Variants in ANKHD1 observed in about 807,000 individuals in gnomAD.
The protein encoded by ANKHD1 is ankyrin repeat and KH domain containing 1.
ANKHD1 carries 31 observed loss-of-function variants against 230.5 expected under a neutral mutation model. The ratio of observed to expected loss-of-function variants is 0.13; its 90% confidence interval spans 0.10 to 0.18. ANKHD1 has a LOEUF of 0.18. Among genes scored for constraint, ANKHD1 ranks in the 10% least tolerant of loss-of-function variants. The pLI, the probability that ANKHD1 is intolerant of heterozygous loss-of-function variation, is 1.00. For synonymous variants in ANKHD1, 1,074 were observed against 1,117.6 expected (o/e 0.96, Z 0.78); for missense variants, 2,256 against 3,071.3 (o/e 0.73, Z 6.27).
chr5:140,524,937 T>TAAAA, intron 25 of ANKHD1: 5 of 289,016 alleles, frequency 1.7e-5, no homozygotes, highest in South Asian at 2.7e-5. Flanking sequence ...CGTCTCTACT[T>TAAAA]AAAAAAAAAA....
At chr5:140,498,899 TGTAA>T (rs1284398991) in intron 15 of ANKHD1, among the ~76,000 whole-genome samples, 1 of 151,990 alleles carries the variant, frequency 6.6e-6, no homozygotes, top group East Asian at 1.9e-4. Flanking sequence ...AAAAGGAACT[TGTAA>T]GTGTTAAGGA....
At position 140,438,517 on chromosome 5, in the gene ANKHD1, C is replaced by T. The variant is rs1252743622; in HGVS notation, c.517C>T (p.Arg173Trp). The T allele has an allele frequency of 4.3e-6, 7 of 1,613,090 alleles. No homozygotes were observed. The highest frequency in any genetic ancestry group is 5.9e-6 in the Non-Finnish European group (7 of 1,179,466). ...GKAFADPEVL[R>W]RLTSSVSCAL... ...AGCTTTTGCAGATCCTGAGGTACTC[C>T]GGAGACTGACATCCTCAGTTAGTTG... Residue 173 changes from arginine (R) to tryptophan (W), a missense_variant, in exon 3 of 34, where the codon CGG (arginine) becomes TGG (tryptophan). By Grantham distance (101) the Arg-to-Trp change is moderately radical. Transcript: ENST00000360839.
rs1435397629 is a variant in ANKHD1, at chr5:140,414,854, T to G, written c.306+12581T>G. ...CCCTGTCTCAAAAAAAAAAAAAAATTGTGTTGTTTGTTTTTTATTGTTTAG... is the reference window on the plus strand; with the variant it reads ...CCCTGTCTCAAAAAAAAAAAAAAATGGTGTTGTTTGTTTTTTATTGTTTAG... On this transcript the variant is annotated intron_variant, in intron 1 of 33. Transcript: ENST00000360839. 5.3e-5 allele frequency among the ~76,000 whole-genome samples: 8 copies of G among 150,410 alleles called. No homozygotes were observed. In the South Asian group the frequency reaches 1.7e-3, roughly 32 times the overall value.
chr5:140,486,058 T>C (rs751643680), intron 13 of ANKHD1: 1 of 256,390 alleles, frequency 3.9e-6, no homozygotes, highest in South Asian at 5.5e-5. Context: ...GAAAGCTTTT[T>C]CTTTTTTCTT....
At chr5:140,499,994 G>A (rs1056278723) in intron 15 of ANKHD1, among the ~76,000 whole-genome samples, 3 of 151,196 alleles carry the variant, frequency 2.0e-5, no homozygotes, top group Admixed American at 6.6e-5. Context: ...TCAGCATTCC[G>A]AGTAACTGGG....
rs898887374 is a variant in ANKHD1, at chr5:140,520,974, G to A, written c.4318-3092G>A. On this transcript the variant is annotated intron_variant, in intron 24 of 33. Transcript: ENST00000360839. ...TATCCAGTATCCTAGGATGTGTGCT[G>A]TAATGGAAAAATTAAAACAAACAAA... 4.0e-5 allele frequency among the ~76,000 whole-genome samples: 6 copies of A among 150,112 alleles called. No individual in the cohort carries two copies. The South Asian group carries it at 1.1e-3, about 26-fold the overall frequency.
chr5:140,501,255 T>A (rs1752291449), intron 15 of ANKHD1, among the ~76,000 whole-genome samples: 1 of 151,664 alleles, frequency 6.6e-6, no homozygotes, highest in African/African-American at 2.4e-5. Flanking sequence ...TTTTTTTGTA[T>A]TTTTAGTAGA....
chr5:140,534,269 G>A (rs939926009), intron 29 of ANKHD1, among the ~76,000 whole-genome samples: 2 of 152,114 alleles, frequency 1.3e-5, no homozygotes, highest in African/African-American at 4.8e-5. Flanking sequence ...GCAGATGCCT[G>A]TAGTCCCAGC....
At chr5:140,488,987 C>T (rs1241637255) in intron 14 of ANKHD1, among the ~76,000 whole-genome samples, 3 of 151,646 alleles carry the variant, frequency 2.0e-5, no homozygotes, top group Non-Finnish European at 1.5e-5. Context: ...CCCAGGAGTT[C>T]GAGACCAGCC....
chr5:140,458,543 T>G, intron 7 of ANKHD1, 82 bp from the exon 8 acceptor site: 1 of 1,424,394 alleles, frequency 7.0e-7, no homozygotes, highest in Non-Finnish European at 9.5e-7. Flanking sequence ...TTTTCCAATC[T>G]CTTGCTTTCT....
chr5:140,509,907 T>C lies in ANKHD1; in HGVS notation c.3941+95T>C, dbSNP rs1038517076. 1.1e-4 allele frequency: 165 copies of C among 1,542,710 alleles called. 1 individual carries two copies. The East Asian group carries it at 3.7e-3, about 35-fold the overall frequency. On this transcript the variant is annotated intron_variant, in intron 21 of 33. Coordinates refer to ENST00000360839, the MANE Select transcript of ANKHD1 (RefSeq NM_017747.3). ...TAACATTGTTTTACTTTATTGATAT[T>C]GTTAAGAAAAGATTATTTGCAAGTT...
At chr5:140,470,795 ATTT>A (rs1047502827) in intron 10 of ANKHD1, among the ~76,000 whole-genome samples, 5 of 150,786 alleles carry the variant, frequency 3.3e-5, no homozygotes, top group African/African-American at 1.2e-4. Flanking sequence ...CTAATTTTTT[ATTT>A]TTATTTTTTG....
intron 26 of ANKHD1, 22 bp from the exon 27 acceptor site, chr5:140,526,906 C>T (rs1393511281): frequency 6.3e-7 from 1 of 1,596,356 alleles, no homozygotes; most frequent in African/African-American, 1.4e-5. Context: ...TTTTATTGTA[C>T]TTGCTATTTG....
chr5:140,422,637 G>A (rs917720954), intron 1 of ANKHD1, among the ~76,000 whole-genome samples: 3 of 151,162 alleles, frequency 2.0e-5, no homozygotes, highest in South Asian at 2.1e-4. Context: ...GTGAAACCCC[G>A]TCTCTACTAA....
Position 140,506,991 on chromosome 5 carries a change from A to G in ANKHD1, c.3551+14A>G. On this transcript the variant is annotated intron_variant, in intron 19 of 33. Transcript: ENST00000360839. The surrounding 1 kb of genome is among the most constrained non-coding windows in gnomAD (Gnocchi z 4.7). ...AATTAATTCAAGGTATTGCCTGTTCATTTTATTGTTCATGTTTAGTAAGTT... is the reference window on the plus strand; with the variant it reads ...AATTAATTCAAGGTATTGCCTGTTCGTTTTATTGTTCATGTTTAGTAAGTT... The G allele has an allele frequency of 3.1e-6, 5 of 1,611,360 alleles. No homozygotes were observed. Among genetic ancestry groups the G allele is most frequent in the Non-Finnish European group, 4.2e-6 (5 of 1,179,106 alleles).
At chr5:140,411,930 GC>G (rs1770963959) in intron 1 of ANKHD1, among the ~76,000 whole-genome samples, 1 of 151,846 alleles carries the variant, frequency 6.6e-6, no homozygotes, top group Admixed American at 6.6e-5. Context: ...CGCAATCACG[GC>G]TCAGGCAGCC....
At chr5:140,413,863 C>A (rs1449319828) in intron 1 of ANKHD1, among the ~76,000 whole-genome samples, 2 of 152,120 alleles carry the variant, frequency 1.3e-5, no homozygotes, top group African/African-American at 4.8e-5. Context: ...TCACTGCAAC[C>A]TCCACCTCCT....
At position 140,440,186 on chromosome 5, in the gene ANKHD1, A is replaced by G; in HGVS notation, c.685A>G (p.Arg229Gly). ...NAVRKLLDEG[R>G]SVNEHTEEGE... ...TGTTCGTAAATTGCTAGATGAAGGCAGAAGTGTAAATGAACATACAGAAGA... is the reference window on the plus strand; with the variant it reads ...TGTTCGTAAATTGCTAGATGAAGGCGGAAGTGTAAATGAACATACAGAAGA... Residue 229 changes from arginine to glycine, a missense_variant, in exon 4 of 34, where the codon AGA becomes GGA. Coordinates refer to ENST00000360839, the MANE Select transcript of ANKHD1 (RefSeq NM_017747.3). 1 of 1,613,668 alleles carries G rather than the reference A, an allele frequency of 6.2e-7. No homozygotes were observed.
chr5:140,516,033 A>G (rs1043142085), intron 24 of ANKHD1, among the ~76,000 whole-genome samples: 5 of 152,166 alleles, frequency 3.3e-5, no homozygotes, highest in Non-Finnish European at 7.4e-5. Context: ...AAGGCAAAGA[A>G]GTTGAAAACT....
Sources: allele counts gnomAD v4.1 joint callset (sites outside exome capture counted in the v4.1 genomes callset), GRCh38; gene constraint gnomAD v4.1.1; non-coding constraint Gnocchi (gnomAD v3.1); transcripts MANE v1.5; gene names NCBI Gene and HGNC (gene_info 2026-07-23, HGNC 2026-07-21).